The following CAPZB variants were observed in gnomAD, a reference collection of about 807,000 sequenced individuals.
CAPZB encodes the protein capping actin protein of muscle Z-line subunit beta, also known as F-actin-capping protein subunit beta.
CAPZB carries 2 observed loss-of-function variants against 38.1 expected under a neutral mutation model. That is an observed-to-expected ratio of 0.05 (90% CI 0.02 to 0.17). The LOEUF is 0.17. Among genes scored for constraint, CAPZB ranks in the 10% least tolerant of loss-of-function variants. The pLI is 1.00. For synonymous variants in CAPZB, 107 were observed against 127.4 expected (o/e 0.84, Z 1.08); for missense variants, 161 against 334.2 (o/e 0.48, Z 4.04).
In CAPZB at chr1:19,363,260, A is replaced by ATTTTTTTTTT. The variant is rs10641267; in HGVS notation, c.330-5707_330-5698dup. On this transcript the variant is annotated intron_variant, in intron 4 of 8. Coordinates refer to ENST00000264202, the MANE Select transcript of CAPZB (RefSeq NM_004930.5). ...CCATGCATGGCTAATTAAAAAAAAA[A>ATTTTTTTTTT]TTTTTTTTTTTTTTTTTTTAGAGAC... is the stretch of plus-strand genomic sequence containing the variant. Among the ~76,000 whole-genome samples the ATTTTTTTTTT allele has an allele frequency of 5.0e-4, 61 of 123,144 alleles. 2 individuals carry two copies. In the East Asian group the frequency reaches 9.2e-3, roughly 19 times the overall value. 80.8% of individuals were successfully genotyped at this position (123,144 alleles called of 152,430 possible). A position where few individuals can be genotyped will look rare whatever the true frequency, so the allele number is the denominator to read the frequency against.
At chr1:19,392,216 A>G (rs534339198) in intron 2 of CAPZB, among the ~76,000 whole-genome samples, 17 of 151,426 alleles carry the variant, frequency 1.1e-4, no homozygotes, top group Middle Eastern at 3.4e-3. Context: ...AGAGGCAGGA[A>G]GCGAACCTGC....
intron 2 of CAPZB, among the ~76,000 whole-genome samples, chr1:19,404,310 G>A (rs1210686804): frequency 2.0e-5 from 3 of 150,534 alleles, no homozygotes; most frequent in African/African-American, 4.9e-5. Flanking sequence ...TTGGGAGGCC[G>A]AGGCAGGCAG....
intron 8 of CAPZB, chr1:19,342,781 T>G: frequency 6.2e-7 from 1 of 1,611,848 alleles, no homozygotes; most frequent in South Asian, 1.1e-5. Flanking sequence ...AGGCTGGATG[T>G]AGATCTGGCG....
At chr1:19,422,726 C>CG (rs1558247717) in intron 1 of CAPZB, among the ~76,000 whole-genome samples, 1 of 111,014 alleles carries the variant, frequency 9.0e-6, no homozygotes, top group African/African-American at 4.2e-5. Flanking sequence ...GACTCCATCT[C>CG]AAAAACAACA....
chr1:19,397,087 T>A (rs1378402146), intron 2 of CAPZB, among the ~76,000 whole-genome samples: 1 of 152,214 alleles, frequency 6.6e-6, no homozygotes, highest in African/African-American at 2.4e-5. Flanking sequence ...GACACTGTAA[T>A]TTCACAGAGG....
At chr1:19,344,737 A>G (rs1233571698) in intron 7 of CAPZB, among the ~76,000 whole-genome samples, 1 of 152,116 alleles carries the variant, frequency 6.6e-6, no homozygotes, top group African/African-American at 2.4e-5. Context: ...CTCCCCACTA[A>G]TTTTGTGAAC....
chr1:19,448,407 G>C (rs2094503430), intron 1 of CAPZB, among the ~76,000 whole-genome samples: 1 of 152,170 alleles, frequency 6.6e-6, no homozygotes, highest in Non-Finnish European at 1.5e-5. Context: ...TTTAGAGATG[G>C]AAAATAATAC....
chr1:19,469,819 A>G (rs989233541), intron 1 of CAPZB, among the ~76,000 whole-genome samples: 1 of 151,744 alleles, frequency 6.6e-6, no homozygotes, highest in Admixed American at 6.6e-5. Flanking sequence ...GAGCACAGTA[A>G]AGGGCTTGCA....
At chr1:19,392,355 C>T (rs1344415762) in intron 2 of CAPZB, among the ~76,000 whole-genome samples, 1 of 151,772 alleles carries the variant, frequency 6.6e-6, no homozygotes, top group African/African-American at 2.4e-5. Flanking sequence ...AGGGGCATCC[C>T]AAGAAGAGGG....
At chr1:19,463,373 G>A (rs954385725) in intron 1 of CAPZB, among the ~76,000 whole-genome samples, 1 of 152,332 alleles carries the variant, frequency 6.6e-6, no homozygotes, top group Admixed American at 6.5e-5. Flanking sequence ...TTACATAAGA[G>A]TGCCATAAAA....
intron 2 of CAPZB, among the ~76,000 whole-genome samples, chr1:19,396,010 C>T (rs75916746): frequency 8.1e-4 from 123 of 152,352 alleles, no homozygotes; most frequent in African/African-American, 2.9e-3. Context: ...ACCTTTCTTC[C>T]CCGTGTTCCA....
intron 3 of CAPZB, among the ~76,000 whole-genome samples, chr1:19,382,294 TA>T (rs1331497390): frequency 6.6e-6 from 1 of 152,072 alleles, no homozygotes; most frequent in African/African-American, 2.4e-5. Context: ...AGAATATTCT[TA>T]GTGGAAGGGG....
intron 1 of CAPZB, among the ~76,000 whole-genome samples, chr1:19,445,392 C>T (rs746141304): frequency 1.2e-4 from 18 of 151,352 alleles, no homozygotes; most frequent in Non-Finnish European, 7.4e-5. Context: ...TCTCTTTATA[C>T]ATTTTGGCAT....
intron 8 of CAPZB, among the ~76,000 whole-genome samples, chr1:19,340,169 C>T (rs140308022): frequency 2.0e-5 from 3 of 152,338 alleles, no homozygotes; most frequent in East Asian, 1.9e-4. Flanking sequence ...CAAGGTGCAG[C>T]GTTATCCCAC....
intron 2 of CAPZB, among the ~76,000 whole-genome samples, chr1:19,386,226 C>T (rs2094203365): frequency 6.6e-6 from 1 of 152,212 alleles, no homozygotes; most frequent in South Asian, 2.1e-4. Flanking sequence ...AGGGGGCCGC[C>T]TCACCAAGAA....
chr1:19,433,815 G>T (rs1312108692), intron 1 of CAPZB, among the ~76,000 whole-genome samples: 1 of 152,110 alleles, frequency 6.6e-6, no homozygotes, highest in Non-Finnish European at 1.5e-5. Context: ...ACTCAATATG[G>T]AAGACTCTAT....
At chr1:19,365,668 T>TA (rs533866638) in intron 4 of CAPZB, among the ~76,000 whole-genome samples, 3 of 151,684 alleles carry the variant, frequency 2.0e-5, no homozygotes, top group Admixed American at 6.6e-5. Context: ...CCGTCTCTAT[T>TA]AAAAAAACAC....
rs539299199 is a variant in CAPZB at position 19,391,824 on chromosome 1, C to T, written c.94-6198G>A. On this transcript the variant is annotated intron_variant, in intron 2 of 8. Coordinates refer to ENST00000264202, the MANE Select transcript of CAPZB (RefSeq NM_004930.5). ...CCGTGTCAGGTGCAAGGGCTCAGCA[C>T]GGGAAGAGATGGACATGGGCGGCCC... Among the ~76,000 whole-genome samples the T allele has an allele frequency of 1.1e-4, 17 of 152,286 alleles. No homozygotes were observed. In the South Asian group the frequency reaches 2.7e-3, roughly 24 times the overall value.
Position 19,357,293 on chromosome 1 carries a change from C to T in CAPZB, c.471+129G>A. 1 of 799,724 alleles carries T rather than the reference C, an allele frequency of 1.3e-6. No homozygotes were observed. Among genetic ancestry groups the T allele is most frequent in the African/African-American group, 1.7e-5 (1 of 58,164 alleles). The allele number at this position is 799,724 out of a possible 1,614,324, so 49.5% of individuals were successfully genotyped here. On this transcript the variant is annotated intron_variant, in intron 5 of 8. Transcript: ENST00000264202. The surrounding 1 kb of genome is among the most constrained non-coding windows in gnomAD (Gnocchi z 4.3). The stretch of plus-strand genomic sequence containing the variant: ...TATCTTTATCCAAATGGCTTTGAGG[C>T]ATTTCTCAGAATTAGGGGTTCAGAG...
Sources: allele counts gnomAD v4.1 joint callset (sites outside exome capture counted in the v4.1 genomes callset), GRCh38; gene constraint gnomAD v4.1.1; non-coding constraint Gnocchi (gnomAD v3.1); transcripts MANE v1.5; gene names NCBI Gene and HGNC (gene_info 2026-07-23, HGNC 2026-07-21).